The following PAN3 variants were observed in gnomAD, a reference collection of about 807,000 sequenced individuals.
The protein encoded by PAN3 is poly(A) specific ribonuclease subunit PAN3.
In PAN3, 19 loss-of-function variants were observed where a neutral mutation model predicts 96.2. The ratio of observed to expected loss-of-function variants is 0.20; its 90% CI spans 0.14 to 0.29. The LOEUF (loss-of-function observed/expected upper bound fraction) is 0.29. Among genes scored for constraint, PAN3 ranks in the 10% least tolerant of loss-of-function variants. The pLI is 1.00. For synonymous variants in PAN3, 433 were observed against 406.6 expected (o/e 1.06, Z -0.78); for missense variants, 882 against 1,108.1 (o/e 0.80, Z 2.90).
chr13:28,265,094 A>G (rs554204112), intron 9 of PAN3, among the ~76,000 whole-genome samples: 53 of 152,374 alleles, frequency 3.5e-4, no homozygotes, highest in African/African-American at 1.3e-3. Context: ...AATAAATGAA[A>G]TAGCTGGAAA....
intron 6 of PAN3, among the ~76,000 whole-genome samples, chr13:28,227,280 C>G (rs1882103101): frequency 6.6e-6 from 1 of 152,190 alleles, no homozygotes; most frequent in Non-Finnish European, 1.5e-5. Flanking sequence ...AGATAATATT[C>G]TACTGGTTGT....
At chr13:28,198,956 A>G (rs935257911) in intron 5 of PAN3, among the ~76,000 whole-genome samples, 1 of 152,226 alleles carries the variant, frequency 6.6e-6, no homozygotes, top group Non-Finnish European at 1.5e-5. Context: ...TATTTGCTCC[A>G]GCTGATATTT....
chr13:28,209,904 C>CA (rs1347433654), intron 5 of PAN3, among the ~76,000 whole-genome samples: 1 of 151,774 alleles, frequency 6.6e-6, no homozygotes. Context: ...TTTCAGCCTC[C>CA]AGAGTAGCTG....
In PAN3 at chr13:28,256,411, A is replaced by G. The variant is rs749490145; in HGVS notation, c.1120A>G (p.Ser374Gly). The change falls in exon 7 of 19, where the codon AGT (serine) becomes GGT (glycine). Residue 374 changes from serine to glycine, a missense_variant. By Grantham distance (56) the Ser-to-Gly change is moderately conservative. Coordinates refer to ENST00000380958, the MANE Select transcript of PAN3 (RefSeq NM_175854.8). ...PNPASYMVPS[S>G]ASTSVNNPVS... ...TCCAGCAAGTTACATGGTGCCTTCTAGTGCCTCTACATCTGTTAATAATCC... is the reference window on the plus strand; with the variant it reads ...TCCAGCAAGTTACATGGTGCCTTCTGGTGCCTCTACATCTGTTAATAATCC... 2 of 1,614,092 alleles carry G rather than the reference A, an allele frequency of 1.2e-6. No individual in the cohort carries two copies. Among genetic ancestry groups the G allele is most frequent in the South Asian group, 2.2e-5 (2 of 91,078 alleles).
chr13:28,239,582 A>G (rs1483448269), intron 6 of PAN3: 5 of 1,286,526 alleles, frequency 3.9e-6, no homozygotes, highest in Non-Finnish European at 5.1e-6. Context: ...TCTCTAGGGA[A>G]CAAGCTACCC....
chr13:28,197,446 C>A, intron 5 of PAN3, 100 bp downstream of exon 5: 1 of 1,194,026 alleles, frequency 8.4e-7, no homozygotes, highest in Non-Finnish European at 1.1e-6. Flanking sequence ...GATGACTTAG[C>A]TGGTATACTT....
intron 14 of PAN3, among the ~76,000 whole-genome samples, chr13:28,274,695 A>G (rs1408408609): frequency 6.6e-6 from 1 of 152,304 alleles, no homozygotes. Flanking sequence ...TCATAAAATC[A>G]GGCAACCTTC....
intron 18 of PAN3, among the ~76,000 whole-genome samples, chr13:28,291,013 A>C (rs1202123338): frequency 7.2e-5 from 11 of 152,186 alleles, no homozygotes. Context: ...TTTGAAGAAA[A>C]TTCTGTTTCA....
intron 1 of PAN3, among the ~76,000 whole-genome samples, chr13:28,159,817 C>T (rs898071132): frequency 5.9e-5 from 9 of 151,890 alleles, no homozygotes; most frequent in South Asian, 2.1e-4. Flanking sequence ...CATTGGGTAC[C>T]GTGCATATTA....
At chr13:28,157,008 A>G (rs1429404431) in intron 1 of PAN3, among the ~76,000 whole-genome samples, 1 of 150,966 alleles carries the variant, frequency 6.6e-6, no homozygotes, top group African/African-American at 2.4e-5. Flanking sequence ...AAAAAAAAAA[A>G]AAAAAAAAAA....
At chr13:28,246,827 T>C (rs1884238935) in intron 6 of PAN3, among the ~76,000 whole-genome samples, 1 of 152,186 alleles carries the variant, frequency 6.6e-6, no homozygotes, top group Non-Finnish European at 1.5e-5. Context: ...CATCCATTAA[T>C]GGACACTTCA....
chr13:28,148,270 A>G (rs1199986729), intron 1 of PAN3, among the ~76,000 whole-genome samples: 2 of 151,802 alleles, frequency 1.3e-5, no homozygotes, highest in Non-Finnish European at 2.9e-5. Context: ...TTTAAATTAT[A>G]GCGTGTGTGT....
chr13:28,215,643 A>T, intron 5 of PAN3: 5 of 1,325,280 alleles, frequency 3.8e-6, no homozygotes, highest in Non-Finnish European at 5.3e-6. Flanking sequence ...GAAGGTAAAG[A>T]TTTATTGCCA....
intron 4 of PAN3, among the ~76,000 whole-genome samples, chr13:28,183,150 A>G (rs1178455212): frequency 6.6e-6 from 1 of 152,174 alleles, no homozygotes; most frequent in Non-Finnish European, 1.5e-5. Context: ...TGAATCAAGT[A>G]TTGATGTCAG....
intron 5 of PAN3, among the ~76,000 whole-genome samples, chr13:28,220,017 C>T (rs1373719582): frequency 6.6e-6 from 1 of 152,102 alleles, no homozygotes; most frequent in Non-Finnish European, 1.5e-5. Flanking sequence ...TAAAATTCTG[C>T]AAATGAAATG....
At chr13:28,263,161 G>A (rs957678538) in intron 9 of PAN3, among the ~76,000 whole-genome samples, 7 of 152,280 alleles carry the variant, frequency 4.6e-5, no homozygotes, top group Middle Eastern at 3.4e-3. Flanking sequence ...GTGTATTAGG[G>A]AAGGAGAGGT....
intron 5 of PAN3, 108 bp from the exon 6 acceptor site, chr13:28,220,123 A>AT: frequency 9.3e-7 from 1 of 1,070,812 alleles, no homozygotes; most frequent in Non-Finnish European, 1.3e-6. Context: ...AATCCTTTCA[A>AT]TAATATATTT....
intron 4 of PAN3, among the ~76,000 whole-genome samples, chr13:28,194,673 T>C (rs549749633): frequency 3.9e-5 from 6 of 152,002 alleles, no homozygotes; most frequent in Admixed American, 2.6e-4. Context: ...TTTCACCTTG[T>C]TGCTCAGTCT....
chr13:28,204,710 G>C (rs556873583), intron 5 of PAN3, among the ~76,000 whole-genome samples: 22 of 152,136 alleles, frequency 1.4e-4, no homozygotes, highest in Non-Finnish European at 2.4e-4. Context: ...TGAATGAAAG[G>C]TTCTGGGAAA....
Sources: allele counts gnomAD v4.1 joint callset (sites outside exome capture counted in the v4.1 genomes callset), GRCh38; gene constraint gnomAD v4.1.1; transcripts MANE v1.5; gene names NCBI Gene and HGNC (gene_info 2026-07-23, HGNC 2026-07-21).